The following MTFP1 variants were observed in gnomAD, a reference collection of about 807,000 sequenced individuals.
MTFP1 encodes the protein mitochondrial fission process protein 1.
A neutral mutation model predicts 17.1 loss-of-function variants in MTFP1; 19 were observed. That is an observed-to-expected ratio of 1.11 (90% CI 0.77 to 1.63). The LOEUF (loss-of-function observed/expected upper bound fraction) is 1.63, where lower values mean the gene tolerates loss of function less well. MTFP1 is among the 40% of genes most tolerant of loss of function. MTFP1 has a pLI of 0.00. For missense variants in MTFP1, 221 were observed against 226.2 expected (o/e 0.98, Z 0.15); for synonymous variants, 89 against 95.2 (o/e 0.93, Z 0.38).
intron 1 of MTFP1, 146 bp from the exon 2 acceptor site, chr22:30,426,571 T>C: frequency 1.8e-6 from 2 of 1,091,914 alleles, no homozygotes; most frequent in Admixed American, 4.9e-5. Context: ...CCAGTTTACA[T>C]CTCGGAAAGG....
chr22:30,428,834 A>T lies in MTFP1; in HGVS notation c.*300A>T. 1 of 669,962 alleles carries T rather than the reference A, an allele frequency of 1.5e-6. No individual in the cohort carries two copies. Among genetic ancestry groups the T allele is most frequent in the Non-Finnish European group, 2.5e-6 (1 of 394,726 alleles). 41.5% of individuals were successfully genotyped at this position (669,962 alleles called of 1,614,324 possible). A position where few individuals can be genotyped will look rare whatever the true frequency, so the allele number is the denominator to read the frequency against. Reference sequence around the variant, plus strand: ...AAATTACATCCTCCCATGGAGGATGAGAGACTGAGGCTCAGGGAGGGCAAG... The same window carrying T: ...AAATTACATCCTCCCATGGAGGATGTGAGACTGAGGCTCAGGGAGGGCAAG... On this transcript the variant is annotated 3_prime_UTR_variant, in exon 4 of 4. Coordinates refer to ENST00000266263, the MANE Select transcript of MTFP1 (RefSeq NM_016498.5).
chr22:30,425,826 G>A lies in MTFP1; in HGVS notation c.-54G>A. The A allele has an allele frequency of 6.7e-7, 1 of 1,486,636 alleles. No homozygotes were observed. The highest frequency in any genetic ancestry group is 2.8e-5 in the East Asian group (1 of 36,210). 92.1% of individuals were successfully genotyped at this position (1,486,636 alleles called of 1,614,324 possible). ...GGCAGACCCAAGTGCCGGCGGCGGAGACTGCAGTGGAGCCAGTACCGGCTG... is the reference window on the plus strand; with the variant it reads ...GGCAGACCCAAGTGCCGGCGGCGGAAACTGCAGTGGAGCCAGTACCGGCTG... On this transcript the variant is annotated 5_prime_UTR_variant, in exon 1 of 4. Coordinates refer to ENST00000266263, the MANE Select transcript of MTFP1 (RefSeq NM_016498.5).
chr22:30,425,894 G>A lies in MTFP1; in HGVS notation c.15G>A (p.Gln5=), dbSNP rs1306120156. 2.0e-6 allele frequency: 3 copies of A among 1,533,546 alleles called. No homozygotes were observed. In the Admixed American group the frequency reaches 6.0e-5, roughly 31 times the overall value. 95.0% of individuals were successfully genotyped at this position (1,533,546 alleles called of 1,614,324 possible). A position where few individuals can be genotyped will look rare whatever the true frequency, so the allele number is the denominator to read the frequency against. ...GCGGGAGAGTCATGTCAGAGCCGCA[G>A]CCGCGGGGCGCAGAGCGCGATCTCT... MSEP[Q]PRGAERDLYR... is the part of the protein sequence containing the mutation. The change falls in exon 1 of 4, where the codon CAG becomes CAA. Residue 5 remains glutamine (Q), a synonymous_variant. Coordinates refer to ENST00000266263, the MANE Select transcript of MTFP1 (RefSeq NM_016498.5).
chr22:30,426,960 C>T lies in MTFP1; in HGVS notation c.195+116C>T, dbSNP rs149220487. ...GACACTCCAGTCCCTACAACCTTGC[C>T]TAGTGCAGTCCATAGACAGTCCTGT... is the stretch of plus-strand genomic sequence containing the variant. On this transcript the variant is annotated intron_variant, in intron 2 of 3. Transcript: ENST00000266263. 140 of 1,523,894 alleles carry T rather than the reference C, an allele frequency of 9.2e-5. 1 individual carries two copies. In the African/African-American group the frequency reaches 1.7e-3, roughly 19 times the overall value. The allele number at this position is 1,523,894 out of a possible 1,614,324, so 94.4% of individuals were successfully genotyped here. A position where few individuals can be genotyped will look rare whatever the true frequency, so the allele number is the denominator to read the frequency against.
intron 3 of MTFP1, 52 bp downstream of exon 3, chr22:30,427,455 G>T (rs776336004): frequency 1.3e-6 from 2 of 1,542,812 alleles, no homozygotes; most frequent in South Asian, 1.1e-5. Context: ...GATGAGAGTG[G>T]ATCATCCAGT....
At chr22:30,427,063 G>A in intron 2 of MTFP1, 108 bp from the exon 3 acceptor site, 1 of 1,394,024 alleles carries the variant, frequency 7.2e-7, no homozygotes, top group Non-Finnish European at 1.0e-6. Flanking sequence ...ACTCCTGGGT[G>A]CGGACAAGTC....
In MTFP1 at chr22:30,425,915, T is replaced by A; in HGVS notation, c.36T>A (p.Asp12Glu). The change falls in exon 1 of 4, where the codon GAT (aspartate) becomes GAA (glutamate). Residue 12 changes from aspartate (D) to glutamate (E), a missense_variant. Physicochemically the swap from Asp to Glu is conservative, Grantham distance 45. Transcript: ENST00000266263. ...CGCAGCCGCGGGGCGCAGAGCGCGATCTCTACCGGGACACGTGGGTGCGAT... is the reference window on the plus strand; with the variant it reads ...CGCAGCCGCGGGGCGCAGAGCGCGAACTCTACCGGGACACGTGGGTGCGAT... The part of the protein sequence containing the change: ...SEPQPRGAER[D>E]LYRDTWVRYL... 6.5e-7 allele frequency: 1 copy of A among 1,534,440 alleles called. No individual in the cohort carries two copies. The highest frequency in any genetic ancestry group is 8.8e-7 in the Non-Finnish European group (1 of 1,140,960).
At chr22:30,426,877 C>G (rs1166683919) in intron 2 of MTFP1, 33 bp downstream of exon 2, 2 of 1,603,190 alleles carry the variant, frequency 1.2e-6, no homozygotes, top group Admixed American at 3.3e-5. Context: ...ACCCCCAACC[C>G]TAGCTCTCTT....
At position 30,428,524 on chromosome 22, in the gene MTFP1, G is replaced by GCTCCTCCT; in HGVS notation, c.492_499dup (p.Ter167SerfsTer69). 1 of 1,614,144 alleles carries GCTCCTCCT rather than the reference G, an allele frequency of 6.2e-7. No individual in the cohort carries two copies. The highest frequency in any genetic ancestry group is 8.5e-7 in the Non-Finnish European group (1 of 1,180,032). On this transcript the variant is annotated frameshift_variant, in exon 4 of 4. Coordinates refer to ENST00000266263, the MANE Select transcript of MTFP1 (RefSeq NM_016498.5). LOFTEE classifies it high-confidence loss of function. ...CTCTACCCAACAGTGGGGAAGCCCA[G>GCTCCTCCT]CTCCTCCTGATCATACTCTGGTACC...
chr22:30,427,127 T>C, intron 2 of MTFP1, 44 bp from the exon 3 acceptor site: 1 of 1,603,286 alleles, frequency 6.2e-7, no homozygotes, highest in Non-Finnish European at 8.5e-7. Flanking sequence ...CGCAGGATTT[T>C]CTGCCTCTGC....
In MTFP1 at chr22:30,427,416, T is replaced by C; in HGVS notation, c.428+13T>C. ...ACCCCATTGACAGGTGGGTACCTTC[T>C]TGGCCTCAGGGATCATCCACTCTCC... On this transcript the variant is annotated intron_variant, in intron 3 of 3. Transcript: ENST00000266263. 2 of 1,609,678 alleles carry C rather than the reference T, an allele frequency of 1.2e-6. No homozygotes were observed. Among genetic ancestry groups the C allele is most frequent in the Non-Finnish European group, 1.7e-6 (2 of 1,176,174 alleles).
chr22:30,426,883 CTCT>C (rs1419375835), intron 2 of MTFP1, 39 bp downstream of exon 2: 12 of 1,602,354 alleles, frequency 7.5e-6, no homozygotes, highest in Non-Finnish European at 1.0e-5. Context: ...AACCCTAGCT[CTCT>C]TCTTGTGTGG....
At position 30,428,776 on chromosome 22, in the gene MTFP1, C is replaced by A; in HGVS notation, c.*242C>A. The stretch of plus-strand genomic sequence containing the variant: ...ATCCAAGATGCTGAGTGGAAGTGGA[C>A]CCTGGGTGGGCCCGGCCCTGTCTTT... On this transcript the variant is annotated 3_prime_UTR_variant, in exon 4 of 4. Transcript: ENST00000266263. 8.7e-7 allele frequency: 1 copy of A among 1,154,124 alleles called. No individual in the cohort carries two copies. The highest frequency in any genetic ancestry group is 1.3e-6 in the Non-Finnish European group (1 of 783,820). The allele number at this position is 1,154,124 out of a possible 1,614,324, so 71.5% of individuals were successfully genotyped here.
At position 30,426,708 on chromosome 22, in the gene MTFP1, C is replaced by T. The variant is rs1934675041; in HGVS notation, c.68-9C>T. On this transcript the variant is annotated splice_polypyrimidine_tract_variant and intron_variant, in intron 1 of 3. Coordinates refer to ENST00000266263, the MANE Select transcript of MTFP1 (RefSeq NM_016498.5). ...TGCGAGCCTAGGAATTAAATGTTCC[C>T]TCCCCCAGGCTATGCCAATGAGGTG... 1 of 1,613,840 alleles carries T rather than the reference C, an allele frequency of 6.2e-7. No individual in the cohort carries two copies. Among genetic ancestry groups the T allele is most frequent in the Non-Finnish European group, 8.5e-7 (1 of 1,179,914 alleles).
At position 30,425,965 on chromosome 22, in the gene MTFP1, G is replaced by A; in HGVS notation, c.67+19G>A. 2.0e-6 allele frequency: 3 copies of A among 1,497,610 alleles called. No homozygotes were observed. Among genetic ancestry groups the A allele is most frequent in the Non-Finnish European group, 2.7e-6 (3 of 1,124,330 alleles). The allele number at this position is 1,497,610 out of a possible 1,614,324, so 92.8% of individuals were successfully genotyped here. A position where few individuals can be genotyped will look rare whatever the true frequency, so the allele number is the denominator to read the frequency against. On this transcript the variant is annotated intron_variant, in intron 1 of 3. Coordinates refer to ENST00000266263, the MANE Select transcript of MTFP1 (RefSeq NM_016498.5). ...TACCTGGGTGAGCGCGGGGCGACGGGCGCGGCGACCCCACCACCACTGGGC... is the reference window on the plus strand; with the variant it reads ...TACCTGGGTGAGCGCGGGGCGACGGACGCGGCGACCCCACCACCACTGGGC...
Position 30,426,737 on chromosome 22 carries a change from G to A in MTFP1, c.88G>A (p.Glu30Lys). ...RYLGYANEVGEAFRSLVPAAV... is the reference protein window; with the variant it reads ...RYLGYANEVGKAFRSLVPAAV... ...CCCAGGCTATGCCAATGAGGTGGGC[G>A]AGGCTTTCCGCTCTCTTGTGCCAGC... Residue 30 changes from glutamate to lysine, a missense_variant, in exon 2 of 4, where the codon GAG (glutamate) becomes AAG (lysine). By Grantham distance (56) the Glu-to-Lys change is moderately conservative. Transcript: ENST00000266263. 2 of 1,614,112 alleles carry A rather than the reference G, an allele frequency of 1.2e-6. No homozygotes were observed. Among genetic ancestry groups the A allele is most frequent in the Non-Finnish European group, 1.7e-6 (2 of 1,179,996 alleles).
Position 30,426,771 on chromosome 22 carries a change from T to C in MTFP1, c.122T>C (p.Val41Ala), listed in dbSNP as rs756198913. The C allele has an allele frequency of 6.2e-7, 1 of 1,613,802 alleles. No homozygotes were observed. Among genetic ancestry groups the C allele is most frequent in the Non-Finnish European group, 8.5e-7 (1 of 1,179,962 alleles). ...CGCTCTCTTGTGCCAGCGGCGGTGG[T>C]GTGGCTGAGCTATGGCGTGGCCAGC... ...AFRSLVPAAV[V>A]WLSYGVASSY... Residue 41 changes from valine (V) to alanine (A), a missense_variant, in exon 2 of 4, where the codon GTG (valine) becomes GCG (alanine). By Grantham distance (64) the Val-to-Ala change is moderately conservative. Transcript: ENST00000266263.
chr22:30,427,357 G>T lies in MTFP1; in HGVS notation c.382G>T (p.Ala128Ser), dbSNP rs112718421. 11 of 1,614,028 alleles carry T rather than the reference G, an allele frequency of 6.8e-6. No individual in the cohort carries two copies. The highest frequency in any genetic ancestry group is 8.5e-6 in the Non-Finnish European group (10 of 1,180,040). The part of the protein sequence containing the change: ...PLAVRKWTTT[A>S]LGLLTIPIII... ...GGCTGTCCGCAAGTGGACCACCACCGCGCTTGGGCTGTTGACCATCCCCAT... is the reference window on the plus strand; with the variant it reads ...GGCTGTCCGCAAGTGGACCACCACCTCGCTTGGGCTGTTGACCATCCCCAT... The change falls in exon 3 of 4, where the codon GCG becomes TCG. Residue 128 changes from alanine to serine, a missense_variant. Coordinates refer to ENST00000266263, the MANE Select transcript of MTFP1 (RefSeq NM_016498.5).
rs760111418 is a variant in MTFP1, at chr22:30,426,727, T to C, written c.78T>C (p.Asn26=). Residue 26 remains asparagine (N), a synonymous_variant, in exon 2 of 4, where the codon AAT becomes AAC. Transcript: ENST00000266263. ...TGTTCCCTCCCCCAGGCTATGCCAA[T>C]GAGGTGGGCGAGGCTTTCCGCTCTC... The part of the protein sequence containing the change: ...DTWVRYLGYA[N]EVGEAFRSLV... 4 of 1,614,028 alleles carry C rather than the reference T, an allele frequency of 2.5e-6. No individual in the cohort carries two copies. Among genetic ancestry groups the C allele is most frequent in the South Asian group, 1.1e-5 (1 of 91,080 alleles).
Sources: allele counts gnomAD v4.1 joint callset, GRCh38; gene constraint gnomAD v4.1.1; transcripts MANE v1.5; gene names NCBI Gene and HGNC (gene_info 2026-07-23, HGNC 2026-07-21).